P3H4: variants seen among roughly 807,000 people sequenced by gnomAD.
P3H4 encodes the protein prolyl 3-hydroxylase family member 4 (inactive).
A neutral mutation model predicts 52.9 loss-of-function variants in P3H4; 47 were observed. That is an observed-to-expected ratio of 0.89 (90% CI 0.70 to 1.13). The LOEUF (loss-of-function observed/expected upper bound fraction) is 1.13. Ranked by LOEUF, P3H4 falls within the 50% of genes most tolerant of loss-of-function variation. The pLI, the probability that P3H4 is intolerant of heterozygous loss-of-function variation, is 0.00. For missense variants in P3H4, 585 were observed against 611.0 expected (o/e 0.96, Z 0.45); for synonymous variants, 256 against 267.9 (o/e 0.96, Z 0.44).
intron 5 of P3H4, 46 bp from the exon 6 acceptor site, chr17:41,806,925 G>GGGAC: frequency 6.7e-7 from 1 of 1,490,680 alleles, no homozygotes; most frequent in South Asian, 1.2e-5. Flanking sequence ...ATACCCTGTT[G>GGGAC]CCAGATGGCA....
At chr17:41,806,593 T>C (rs1233108853) in intron 6 of P3H4, among the ~76,000 whole-genome samples, 17 of 152,026 alleles carry the variant, frequency 1.1e-4, no homozygotes, top group Non-Finnish European at 2.4e-4. Flanking sequence ...AGGAACAGGA[T>C]TGAGACATGT....
chr17:41,803,329 A>T lies in P3H4; in HGVS notation c.1249T>A (p.Trp417Arg), dbSNP rs782664786. 5.0e-6 allele frequency: 8 copies of T among 1,613,844 alleles called. No homozygotes were observed. Among genetic ancestry groups the T allele is most frequent in the Non-Finnish European group, 6.8e-6 (8 of 1,179,952 alleles). ...GDYEEGMYAD[W>R]WQEPDAKGDE... ...CCCTTGGCATCCGGCTCCTGCCACC[A>T]GTCAGCATACATGCCCTCCTCGTAG... Residue 417 changes from tryptophan (W) to arginine (R), a missense_variant, in exon 7 of 8, where the codon TGG becomes AGG. Coordinates refer to ENST00000393928, the MANE Select transcript of P3H4 (RefSeq NM_006455.3).
intron 4 of P3H4, 88 bp downstream of exon 4, chr17:41,809,618 A>G: frequency 1.4e-6 from 2 of 1,471,398 alleles, no homozygotes; most frequent in South Asian, 1.3e-5. Context: ...ACTGAAGGAA[A>G]GCTCCCCACA....
intron 6 of P3H4, among the ~76,000 whole-genome samples, chr17:41,804,622 G>A (rs1250830892): frequency 7.1e-6 from 1 of 141,396 alleles, no homozygotes; most frequent in Non-Finnish European, 1.5e-5. Flanking sequence ...AGTGAGACTC[G>A]GCTGTCATTC....
At chr17:41,803,537 C>A in intron 6 of P3H4, 106 bp from the exon 7 acceptor site, 1 of 969,118 alleles carries the variant, frequency 1.0e-6, no homozygotes, top group East Asian at 2.6e-5. Flanking sequence ...TCTCGGTCCC[C>A]AAAGCCCCTC....
In P3H4 at chr17:41,810,932, G is replaced by A. The variant is rs139974053; in HGVS notation, c.718C>T (p.Arg240Trp). 2.1e-5 allele frequency: 34 copies of A among 1,614,034 alleles called. 1 individual carries two copies. The African/African-American group carries it at 3.6e-4, about 17-fold the overall frequency. ...GCCCCTTCACAGCCGGCCAGGCACC[G>A]GGCAAAGACTGCCAGGTACTCTGAC... ...ALSEYLAVFA[R>W]CLAGCEGAHE... The change falls in exon 3 of 8, where the codon CGG becomes TGG. Residue 240 changes from arginine to tryptophan, a missense_variant. Physicochemically the swap from Arg to Trp is moderately radical, Grantham distance 101. Coordinates refer to ENST00000393928, the MANE Select transcript of P3H4 (RefSeq NM_006455.3).
Position 41,803,139 on chromosome 17 carries a change from A to T in P3H4, c.1291+148T>A. On this transcript the variant is annotated intron_variant, in intron 7 of 7. Coordinates refer to ENST00000393928, the MANE Select transcript of P3H4 (RefSeq NM_006455.3). ...CTGCACCACCACCCCCAAGCGGGAC[A>T]GGGGTTGCCAACAGGCTGGAGGCCC... 8 of 1,416,786 alleles carry T rather than the reference A, an allele frequency of 5.6e-6. No homozygotes were observed. The South Asian group carries it at 8.0e-5, about 14-fold the overall frequency. The allele number at this position is 1,416,786 out of a possible 1,614,324, so 87.8% of individuals were successfully genotyped here. A position where few individuals can be genotyped will look rare whatever the true frequency, so the allele number is the denominator to read the frequency against.
chr17:41,811,378 A>G lies in P3H4; in HGVS notation c.462+76T>C, dbSNP rs1555615110. The G allele has an allele frequency of 1.7e-5, 28 of 1,605,852 alleles. No homozygotes were observed. Among genetic ancestry groups the G allele is most frequent in the Non-Finnish European group, 2.4e-5 (28 of 1,174,980 alleles). On this transcript the variant is annotated intron_variant, in intron 1 of 7. Transcript: ENST00000393928. The surrounding 1 kb of genome is among the most constrained non-coding windows in gnomAD (Gnocchi z 4.8). Reference sequence around the variant, plus strand: ...GGGCTTCGTGCCTTGGGTGAAGATAACGCTCCTTCGACCGATCTGTGGGGA... The same window carrying G: ...GGGCTTCGTGCCTTGGGTGAAGATAGCGCTCCTTCGACCGATCTGTGGGGA...
rs551340502 is a variant in P3H4, at chr17:41,811,109, C to T, written c.615+23G>A. 6.2e-6 allele frequency: 10 copies of T among 1,613,816 alleles called. No individual in the cohort carries two copies. The South Asian group carries it at 1.1e-4, about 18-fold the overall frequency. On this transcript the variant is annotated intron_variant, in intron 2 of 7. Transcript: ENST00000393928. This position sits in a 1 kb window ranked among gnomAD's most constrained non-coding sequence, Gnocchi z 4.8. ...CCTCTACTAGCCCTCCTCTACAAGC[C>T]TCCTCCTGACCCTCCACCCCACCTC...
intron 6 of P3H4, among the ~76,000 whole-genome samples, chr17:41,806,021 C>G (rs1334517284): frequency 1.3e-5 from 2 of 151,942 alleles, no homozygotes; most frequent in Non-Finnish European, 2.9e-5. Flanking sequence ...GAGGTCGAGA[C>G]CAGCCTGACC....
rs535112520 is a variant in P3H4 at position 41,809,624 on chromosome 17, C to T, written c.916+82G>A. On this transcript the variant is annotated intron_variant, in intron 4 of 7. Coordinates refer to ENST00000393928, the MANE Select transcript of P3H4 (RefSeq NM_006455.3). ...GTCCTCAATACTGAAGGAAAGCTCC[C>T]CACAACTCTGGGAGGCTCCCATACA... The T allele has an allele frequency of 1.0e-5, 15 of 1,505,616 alleles. No individual in the cohort carries two copies. In the Admixed American group the frequency reaches 2.6e-4, roughly 26 times the overall value. The allele number at this position is 1,505,616 out of a possible 1,614,324, so 93.3% of individuals were successfully genotyped here.
Position 41,811,559 on chromosome 17 carries a change from G to GC in P3H4, c.356dup (p.Cys119TrpfsTer20). The GC allele has an allele frequency of 6.2e-7, 1 of 1,607,580 alleles. No individual in the cohort carries two copies. The highest frequency in any genetic ancestry group is 8.5e-7 in the Non-Finnish European group (1 of 1,178,080). ...CCTGGAAGGCGGGCAGCGTCCGCTTGCAGCGCCGCAGGCAGGCGGCTCGCT... is the reference window on the plus strand; with the variant it reads ...CCTGGAAGGCGGGCAGCGTCCGCTTGCCAGCGCCGCAGGCAGGCGGCTCGCT... On this transcript the variant is annotated frameshift_variant, in exon 1 of 8. Transcript: ENST00000393928. LOFTEE classifies it high-confidence loss of function. The surrounding 1 kb of genome is among the most constrained non-coding windows in gnomAD (Gnocchi z 4.8).
intron 4 of P3H4, among the ~76,000 whole-genome samples, chr17:41,809,193 A>C (rs999310140): frequency 1.3e-5 from 2 of 152,168 alleles, no homozygotes; most frequent in African/African-American, 4.8e-5. Flanking sequence ...AGGCTGAGGC[A>C]GTGGATCACC....
chr17:41,803,474 C>G (rs782142526), intron 6 of P3H4, 43 bp from the exon 7 acceptor site: 5 of 1,594,740 alleles, frequency 3.1e-6, no homozygotes, highest in Middle Eastern at 3.3e-4. Flanking sequence ...GGTCACAGTA[C>G]GCCCAAACCC....
rs185587116 is a variant in P3H4, at chr17:41,809,186, C to T, written c.916+520G>A. On this transcript the variant is annotated intron_variant, in intron 4 of 7. Coordinates refer to ENST00000393928, the MANE Select transcript of P3H4 (RefSeq NM_006455.3). ...CCTATAATCCCAGCACTTTGGGAGG[C>T]TGAGGCAGTGGATCACCTGAGGTCA... Among the ~76,000 whole-genome samples, 662 of 152,308 alleles carry T rather than the reference C, an allele frequency of 4.3e-3. 1 individual carries two copies. The highest frequency in any genetic ancestry group is 6.4e-3 in the Non-Finnish European group (438 of 68,024).
chr17:41,803,089 G>A, intron 7 of P3H4, 110 bp from the exon 8 acceptor site: 2 of 1,445,754 alleles, frequency 1.4e-6, no homozygotes, highest in Non-Finnish European at 1.9e-6. Flanking sequence ...ACAGGTCTCA[G>A]CTGGTCCCAG....
Position 41,811,705 on chromosome 17 carries a change from C to A in P3H4, c.211G>T (p.Asp71Tyr), listed in dbSNP as rs782230442. ...TTGGCGTGGCAGAAGGCCTCGCTGT[C>A]GCGCAGGAGCCGGTGCAGCCGCAGC... ...AALRLHRLLR[D>Y]SEAFCHANCS... The change falls in exon 1 of 8, where the codon GAC becomes TAC. Residue 71 changes from aspartate to tyrosine, a missense_variant. Asp to Tyr is a radical substitution (Grantham distance 160, BLOSUM62 -3). Transcript: ENST00000393928. This position sits in a 1 kb window ranked among gnomAD's most constrained non-coding sequence, Gnocchi z 4.8. 4 of 1,476,306 alleles carry A rather than the reference C, an allele frequency of 2.7e-6. No individual in the cohort carries two copies. The highest frequency in any genetic ancestry group is 2.6e-5 in the South Asian group (2 of 75,744). 91.5% of individuals were successfully genotyped at this position (1,476,306 alleles called of 1,614,324 possible).
intron 3 of P3H4, 38 bp from the exon 4 acceptor site, chr17:41,809,872 A>G: frequency 6.2e-7 from 1 of 1,600,846 alleles, no homozygotes; most frequent in South Asian, 1.1e-5. Flanking sequence ...CTGGCATTGC[A>G]ATGAACATCT....
chr17:41,808,116 A>C, intron 4 of P3H4, 112 bp from the exon 5 acceptor site: 13 of 1,329,776 alleles, frequency 9.8e-6, no homozygotes, highest in African/African-American at 1.5e-5. Context: ...AGAATACCTA[A>C]TGGGCTCCTT....
Sources: allele counts gnomAD v4.1 joint callset (sites outside exome capture counted in the v4.1 genomes callset), GRCh38; gene constraint gnomAD v4.1.1; non-coding constraint Gnocchi (gnomAD v3.1); transcripts MANE v1.5; gene names NCBI Gene and HGNC (gene_info 2026-07-23, HGNC 2026-07-21).